Variants in TMEM67 observed in about 807,000 individuals in gnomAD.
TMEM67 encodes the protein meckelin.
Under a neutral mutation model 136.6 loss-of-function variants are expected in TMEM67, and 124 were observed. The ratio of observed to expected loss-of-function variants is 0.91; its 90% CI spans 0.78 to 1.05. The LOEUF (loss-of-function observed/expected upper bound fraction) is 1.05, where lower values mean the gene tolerates loss of function less well. Ranked by LOEUF, TMEM67 falls within the 50% of genes least tolerant of loss-of-function variation. The probability of loss-of-function intolerance (pLI) is 0.00; values close to 1 mark genes in which losing one functional copy is unlikely to be tolerated. For synonymous variants in TMEM67, 364 were observed against 390.5 expected (o/e 0.93, Z 0.80); for missense variants, 1,107 against 1,178.4 (o/e 0.94, Z 0.89).
intron 3 of TMEM67, among the ~76,000 whole-genome samples, chr8:93,760,678 A>AC (rs1812788069): frequency 1.4e-5 from 1 of 72,106 alleles, no homozygotes. Context: ...CTGTGTCTAC[A>AC]AAAAAAAAAG....
downstream of TMEM67, among the ~76,000 whole-genome samples, chr8:93,823,041 C>A (rs769694233): frequency 1.4e-4 from 22 of 152,150 alleles, no homozygotes; most frequent in Non-Finnish European, 2.2e-4. Context: ...AGTTAAAAGA[C>A]AGAACAACAA....
chr8:93,799,898 TC>T, intron 21 of TMEM67, 140 bp downstream of exon 21: 1 of 613,224 alleles, frequency 1.6e-6, no homozygotes, highest in Non-Finnish European at 2.7e-6. Context: ...TAGCTAATGG[TC>T]AGTTCTTTTT....
rs35554591 is a variant in TMEM67, at chr8:93,799,904, CTTTTTTTTTTT to C, written c.2241+157_2241+167del. 13 of 347,886 alleles carry C rather than the reference CTTTTTTTTTTT, an allele frequency of 3.7e-5. No individual in the cohort carries two copies. In the African/African-American group the frequency reaches 3.9e-4, roughly 10 times the overall value. 21.5% of individuals were successfully genotyped at this position (347,886 alleles called of 1,614,324 possible). On this transcript the variant is annotated intron_variant, in intron 21 of 27. Coordinates refer to ENST00000453321, the MANE Select transcript of TMEM67 (RefSeq NM_153704.6). ...CAAGAACAATAGCTAATGGTCAGTT[CTTTTTTTTTTT>C]TTTTTTTTTTGAAACAGAGTCCCGC...
At chr8:93,815,875 A>G (rs1808887965) in intron 27 of TMEM67, among the ~76,000 whole-genome samples, 1 of 152,230 alleles carries the variant, frequency 6.6e-6, no homozygotes, top group Non-Finnish European at 1.5e-5. Flanking sequence ...ATAAAAAGCA[A>G]CTTCATGTAT....
At chr8:93,767,425 T>C (rs1586018975) in intron 6 of TMEM67, among the ~76,000 whole-genome samples, 1 of 152,226 alleles carries the variant, frequency 6.6e-6, no homozygotes, top group Non-Finnish European at 1.5e-5. Flanking sequence ...TCACTAACCC[T>C]TAACTCACTA....
At chr8:93,809,754 T>C (rs768739090) in intron 25 of TMEM67, 31 bp from the exon 26 acceptor site, 6 of 1,253,742 alleles carry the variant, frequency 4.8e-6, no homozygotes, top group Non-Finnish European at 7.0e-6. Flanking sequence ...CACTACTGTT[T>C]GTGAAATGAT....
intron 16 of TMEM67, among the ~76,000 whole-genome samples, chr8:93,793,912 A>G (rs1814496566): frequency 6.6e-6 from 1 of 151,406 alleles, no homozygotes; most frequent in African/African-American, 2.4e-5. Context: ...TTTTTTTGAG[A>G]CGGAGTCTCA....
At position 93,755,106 on chromosome 8, in the gene TMEM67, T is replaced by C. The variant is rs150383995; in HGVS notation, c.192T>C (p.Pro64=). 1.4e-4 allele frequency: 233 copies of C among 1,614,086 alleles called. No homozygotes were observed. Among genetic ancestry groups the C allele is most frequent in the Non-Finnish European group, 1.8e-4 (217 of 1,180,042 alleles). The part of the protein sequence containing the change: ...YFDISALSCV[P]CGANQRQDAR... ...ATATCTCCGCCCTCTCGTGTGTTCCTTGTGGAGCTAACCAGAGGCAAGATG... is the reference window on the plus strand; with the variant it reads ...ATATCTCCGCCCTCTCGTGTGTTCCCTGTGGAGCTAACCAGAGGCAAGATG... Residue 64 remains proline (P), a synonymous_variant, in exon 1 of 28, where the codon CCT becomes CCC. Transcript: ENST00000453321.
chr8:93,830,044 C>T, the TMEM67 span, among the ~76,000 whole-genome samples: 1 of 152,144 alleles, frequency 6.6e-6, no homozygotes, highest in Non-Finnish European at 1.5e-5. Context: ...AAAACTGCAC[C>T]AAGAAGCCAA....
chr8:93,803,018 G>A (rs1814934387), intron 21 of TMEM67, among the ~76,000 whole-genome samples: 2 of 152,010 alleles, frequency 1.3e-5, no homozygotes, highest in Non-Finnish European at 2.9e-5. Context: ...TTAAATAGGG[G>A]AGTTAGGAAG....
At chr8:93,799,904 C>CTTTT (rs35554591) in intron 21 of TMEM67, 146 bp downstream of exon 21, 35 of 347,828 alleles carry the variant, frequency 1.0e-4, no homozygotes, top group East Asian at 1.2e-4. Context: ...ATGGTCAGTT[C>CTTTT]TTTTTTTTTT....
rs1808911245 is a variant in TMEM67 at position 93,816,446 on chromosome 8, G to T, written c.2982G>T (p.Leu994Phe). Residue 994 changes from leucine to phenylalanine, a missense_variant, in exon 28 of 28, where the codon TTG (leucine) becomes TTT (phenylalanine). Leu to Phe is a conservative substitution (Grantham distance 22). Around this residue, in one of 3 missense-constraint regions of TMEM67, gnomAD observed 925 missense variants for 1,002.4 expected, o/e 0.92. Transcript: ENST00000453321. The stretch of plus-strand genomic sequence containing the variant: ...AAACATTGGTGGATCAAAGATTTTT[G>T]ATTTAACTTCCTGAATAAATAACTT... ...ASKTLVDQRF[L>F]I is the part of the protein sequence containing the mutation. 7.6e-6 allele frequency: 12 copies of T among 1,576,230 alleles called. No individual in the cohort carries two copies. Among genetic ancestry groups the T allele is most frequent in the East Asian group, 2.2e-5 (1 of 44,460 alleles).
At chr8:93,770,460 T>C (rs991757482) in intron 6 of TMEM67, among the ~76,000 whole-genome samples, 2 of 152,182 alleles carry the variant, frequency 1.3e-5, no homozygotes, top group Non-Finnish European at 2.9e-5. Context: ...CCTTCCTTTT[T>C]TGGGGGAAGG....
chr8:93,780,097 C>T (rs1273407521), intron 7 of TMEM67, among the ~76,000 whole-genome samples: 1 of 152,022 alleles, frequency 6.6e-6, no homozygotes, highest in Non-Finnish European at 1.5e-5. Flanking sequence ...CACCCCTCCC[C>T]CTGCCAGCCT....
intron 3 of TMEM67, chr8:93,763,181 T>C: frequency 5.1e-6 from 1 of 194,946 alleles, no homozygotes; most frequent in Non-Finnish European, 1.1e-5. Flanking sequence ...CCACCCACCT[T>C]AGCCTCCCAA....
intron 2 of TMEM67, among the ~76,000 whole-genome samples, chr8:93,757,788 A>G (rs1812650339): frequency 6.7e-6 from 1 of 149,338 alleles, no homozygotes; most frequent in Non-Finnish European, 1.5e-5. Context: ...TTTGAAAGAG[A>G]GTATTACTGT....
chr8:93,761,349 C>T (rs1812822169), intron 3 of TMEM67, among the ~76,000 whole-genome samples: 1 of 152,114 alleles, frequency 6.6e-6, no homozygotes, highest in South Asian at 2.1e-4. Context: ...TATAAGGATA[C>T]AGGGAAATAG....
In TMEM67 at chr8:93,795,815, A is replaced by C. The variant is rs558812161; in HGVS notation, c.1774-86A>C. On this transcript the variant is annotated intron_variant, in intron 17 of 27. Transcript: ENST00000453321. ...CATACTGAGACCCTCCTTTCCCAAA[A>C]AAAAACAAAAACGAAAACAAAAAAC... The C allele has an allele frequency of 5.9e-5, 70 of 1,181,850 alleles. No individual in the cohort carries two copies. In the Middle Eastern group the frequency reaches 1.2e-3, roughly 20 times the overall value. The allele number at this position is 1,181,850 out of a possible 1,614,324, so 73.2% of individuals were successfully genotyped here.
chr8:93,819,315 A>G, downstream of TMEM67: 1 of 398,828 alleles, frequency 2.5e-6, no homozygotes, highest in Non-Finnish European at 4.8e-6. Flanking sequence ...CTCTGCCAGG[A>G]AGAGGCCCAG....
Sources: gnomAD v4.1 joint callset for allele counts (sites outside exome capture counted in the v4.1 genomes callset) on GRCh38, gnomAD v4.1.1 for gene constraint, gnomAD v4.1.1 regional missense constraint, MANE v1.5 for transcripts, NCBI Gene and HGNC (gene_info 2026-07-23, HGNC 2026-07-21) for gene names.